ZNF629: variants seen among roughly 807,000 people sequenced by gnomAD.
The protein encoded by ZNF629 is DNA-binding protein.
ZNF629 carries 9 observed loss-of-function variants against 59.7 expected under a neutral mutation model. The ratio of observed to expected loss-of-function variants is 0.15; its 90% CI spans 0.09 to 0.26. ZNF629 has a LOEUF of 0.26. Ranked by LOEUF, ZNF629 falls within the 10% of genes least tolerant of loss-of-function variation. The pLI is 1.00. For missense variants in ZNF629, 853 were observed against 1,165.4 expected (o/e 0.73, Z 3.90); for synonymous variants, 509 against 498.9 (o/e 1.02, Z -0.27).
chr16:30,782,490 T>A lies in ZNF629; in HGVS notation c.1838A>T (p.Gln613Leu), dbSNP rs373609985. The change falls in exon 3 of 3, where the codon CAG becomes CTG. Residue 613 changes from glutamine to leucine, a missense_variant. Physicochemically the swap from Gln to Leu is moderately radical, Grantham distance 113. This residue lies in a region of ZNF629 where 420 missense variants were observed against 435.6 expected (regional missense o/e 0.96). Coordinates refer to ENST00000262525, the MANE Select transcript of ZNF629 (RefSeq NM_001080417.3). ...GAAAGGGAGCCTTGGGGATCGTAAC[T>A]GAGGAGGTTTGGGGGCTGCGTGTGC... ...LIAHAAPKPP[Q>L]LRSPRLPFRG... 7 of 1,566,782 alleles carry A rather than the reference T, an allele frequency of 4.5e-6. No individual in the cohort carries two copies. In the African/African-American group the frequency reaches 9.5e-5, roughly 21 times the overall value.
rs951960656 is a variant in ZNF629, at chr16:30,786,307, G to T, written c.-34+721C>A. ...CTGGGGGCTGCCTGATGTCCGGTCC[G>T]GGAAGGATGCCCTGCTGTGTTTGCT... is the stretch of plus-strand genomic sequence containing the variant. On this transcript the variant is annotated intron_variant, in intron 1 of 2. Transcript: ENST00000262525. The surrounding 1 kb of genome is among the most constrained non-coding windows in gnomAD (Gnocchi z 4.8). Among the ~76,000 whole-genome samples the T allele has an allele frequency of 2.0e-5, 3 of 152,178 alleles. No individual in the cohort carries two copies. The highest frequency in any genetic ancestry group is 6.5e-5 in the Admixed American group (1 of 15,284).
chr16:30,783,206 G>A lies in ZNF629; in HGVS notation c.1122C>T (p.Phe374=). 6.2e-7 allele frequency: 1 copy of A among 1,613,150 alleles called. No individual in the cohort carries two copies. Among genetic ancestry groups the A allele is most frequent in the South Asian group, 1.1e-5 (1 of 91,054 alleles). ...AGGTCTTGCCGCACACTGGGCACTT[G>A]AACGGGTCCTCGCGCAGGTGAGTCC... ...HQRTHLREDP[F]KCPVCGKTFT... The change falls in exon 3 of 3, where the codon TTC becomes TTT. Residue 374 remains phenylalanine, a synonymous_variant. Coordinates refer to ENST00000262525, the MANE Select transcript of ZNF629 (RefSeq NM_001080417.3).
Position 30,783,935 on chromosome 16 carries a change from G to T in ZNF629, c.393C>A (p.Asn131Lys). Residue 131 changes from asparagine (N) to lysine (K), a missense_variant, in exon 3 of 3, where the codon AAC becomes AAA. Asn to Lys is a moderately conservative substitution (Grantham distance 94). Coordinates refer to ENST00000262525, the MANE Select transcript of ZNF629 (RefSeq NM_001080417.3). Reference sequence around the variant, plus strand: ...GCACCAGCTCCCGCAGGCTGGGCTCGTTGGCGGGGACGACTGGGGGGCTGT... The same window carrying T: ...GCACCAGCTCCCGCAGGCTGGGCTCTTTGGCGGGGACGACTGGGGGGCTGT... Reference protein sequence around the residue: ...TWNSPPVVPANEPSLRELVQG... With the variant: ...TWNSPPVVPAKEPSLRELVQG... The T allele has an allele frequency of 6.3e-7, 1 of 1,592,072 alleles. No homozygotes were observed. Among genetic ancestry groups the T allele is most frequent in the Non-Finnish European group, 8.6e-7 (1 of 1,168,884 alleles).
At chr16:30,784,573 T>C in intron 1 of ZNF629, 58 bp from the exon 2 acceptor site, 1 of 1,361,124 alleles carries the variant, frequency 7.3e-7, no homozygotes, top group Non-Finnish European at 9.8e-7. Context: ...CTTTGCTTTA[T>C]TCCCCCTGAA....
rs751629711 is a variant in ZNF629, at chr16:30,784,155, G to A, written c.173C>T (p.Ser58Leu). ...GGATCTCTCCAGGGACATCTCTGTT[G>A]AGTCCTTGGATTCTGGACTCTGAGC... ...DPAQSPESKDSTEMSLERSSQ... is the reference protein window; with the variant it reads ...DPAQSPESKDLTEMSLERSSQ... The change falls in exon 3 of 3, where the codon TCA becomes TTA. Residue 58 changes from serine (S) to leucine (L), a missense_variant. Around this residue, in one of 3 missense-constraint regions of ZNF629, gnomAD observed 232 missense variants for 193.4 expected, o/e 1.20. Transcript: ENST00000262525. 3 of 1,609,752 alleles carry A rather than the reference G, an allele frequency of 1.9e-6. No individual in the cohort carries two copies. The highest frequency in any genetic ancestry group is 2.5e-6 in the Non-Finnish European group (3 of 1,178,962).
In ZNF629 at chr16:30,780,791, G is replaced by A. The variant is rs2054273593; in HGVS notation, c.*927C>T. On this transcript the variant is annotated 3_prime_UTR_variant, in exon 3 of 3. Transcript: ENST00000262525. ...GGAAGCAAGAAGGGGCCTGGAGTTA[G>A]CTGGGTTCCATGTGAGCAGTTTCCC... is the stretch of plus-strand genomic sequence containing the variant. The A allele has an allele frequency of 6.6e-6, 1 of 152,156 alleles. No individual in the cohort carries two copies. The highest frequency in any genetic ancestry group is 1.5e-5 in the Non-Finnish European group (1 of 68,038). 9.4% of individuals were successfully genotyped at this position (152,156 alleles called of 1,614,324 possible). A position where few individuals can be genotyped will look rare whatever the true frequency, so the allele number is the denominator to read the frequency against.
Position 30,783,274 on chromosome 16 carries a change from C to T in ZNF629, c.1054G>A (p.Gly352Ser). 2 of 1,614,070 alleles carry T rather than the reference C, an allele frequency of 1.2e-6. No individual in the cohort carries two copies. Among genetic ancestry groups the T allele is most frequent in the Non-Finnish European group, 1.7e-6 (2 of 1,180,002 alleles). Residue 352 changes from glycine (G) to serine (S), a missense_variant, in exon 3 of 3, where the codon GGC (glycine) becomes AGC (serine). Gly to Ser is a moderately conservative substitution (Grantham distance 56). Around this residue, in one of 3 missense-constraint regions of ZNF629, gnomAD observed 201 missense variants for 536.5 expected, o/e 0.37. Transcript: ENST00000262525. ...GEKPYECLECGKSFGHSSTLI... is the reference protein window; with the variant it reads ...GEKPYECLECSKSFGHSSTLI... ...GTGGAGCTGTGGCCGAAGCTCTTGC[C>T]GCACTCTAGGCACTCGTAGGGCTTC...
rs772627166 is a variant in ZNF629 at position 30,781,859 on chromosome 16, C to T, written c.2469G>A (p.Glu823=). 5.7e-6 allele frequency: 9 copies of T among 1,586,534 alleles called. No homozygotes were observed. In the South Asian group the frequency reaches 1.0e-4, roughly 18 times the overall value. ...EGEGETPTPT[E]SSSHGEGQNP... ...TTTGCCCTTCCCCATGGCTGCTGCT[C>T]TCTGTGGGGGTAGGGGTCTCGCCCT... is the stretch of plus-strand genomic sequence containing the variant. The change falls in exon 3 of 3, where the codon GAG becomes GAA. Residue 823 remains glutamate, a synonymous_variant. Transcript: ENST00000262525.
At position 30,782,058 on chromosome 16, in the gene ZNF629, T is replaced by C. The variant is rs2054286363; in HGVS notation, c.2270A>G (p.Glu757Gly). 6.4e-7 allele frequency: 1 copy of C among 1,574,606 alleles called. No individual in the cohort carries two copies. The highest frequency in any genetic ancestry group is 1.9e-5 in the Admixed American group (1 of 53,950). The change falls in exon 3 of 3, where the codon GAG becomes GGG. Residue 757 changes from glutamate to glycine, a missense_variant. Glu to Gly is a moderately conservative substitution (Grantham distance 98). Around this residue, in one of 3 missense-constraint regions of ZNF629, gnomAD observed 420 missense variants for 435.6 expected, o/e 0.96. Transcript: ENST00000262525. ...ELGKSSSVLLEHLRSPLGARP... is the reference protein window; with the variant it reads ...ELGKSSSVLLGHLRSPLGARP... The stretch of plus-strand genomic sequence containing the variant: ...GGCCCCCAGGGGGCTCCTGAGATGC[T>C]CCAGGAGGACGGAAGAGCTCTTCCC...
In ZNF629 at chr16:30,782,819, G is replaced by A. The variant is rs745708391; in HGVS notation, c.1509C>T (p.Thr503=). 1 of 1,614,078 alleles carries A rather than the reference G, an allele frequency of 6.2e-7. No individual in the cohort carries two copies. Among genetic ancestry groups the A allele is most frequent in the East Asian group, 2.2e-5 (1 of 44,874 alleles). Reference sequence around the variant, plus strand: ...TCTCGTCCATGTGCGTGCGGACGTGGGTAATAAGGTTGGAGCTCTGGCTGA... The same window carrying A: ...TCTCGTCCATGTGCGTGCGGACGTGAGTAATAAGGTTGGAGCTCTGGCTGA... The part of the protein sequence containing the change: ...KSFSQSSNLI[T]HVRTHMDENL... The change falls in exon 3 of 3, where the codon ACC becomes ACT. Residue 503 remains threonine (T), a synonymous_variant. Coordinates refer to ENST00000262525, the MANE Select transcript of ZNF629 (RefSeq NM_001080417.3).
At position 30,783,318 on chromosome 16, in the gene ZNF629, T is replaced by C. The variant is rs185858062; in HGVS notation, c.1010A>G (p.Gln337Arg). The change falls in exon 3 of 3, where the codon CAG becomes CGG. Residue 337 changes from glutamine to arginine, a missense_variant. By Grantham distance (43) the Gln-to-Arg change is conservative. Coordinates refer to ENST00000262525, the MANE Select transcript of ZNF629 (RefSeq NM_001080417.3). ...FIQSSELTQH[Q>R]RTHTGEKPYE... ...GGGCTTCTCGCCTGTGTGCGTGCGC[T>C]GGTGCTGGGTCAGCTCCGAGCTCTG... The C allele has an allele frequency of 1.9e-6, 3 of 1,614,014 alleles. No homozygotes were observed. The highest frequency in any genetic ancestry group is 2.2e-5 in the East Asian group (1 of 44,830).
chr16:30,785,201 C>T (rs1031471097), intron 1 of ZNF629, among the ~76,000 whole-genome samples: 1 of 152,138 alleles, frequency 6.6e-6, no homozygotes, highest in Non-Finnish European at 1.5e-5. Flanking sequence ...TGAACACCTG[C>T]GGCAGACCCA....
In ZNF629 at chr16:30,786,808, G is replaced by C. The variant is rs2054337351; in HGVS notation, c.-34+220C>G. Among the ~76,000 whole-genome samples the C allele has an allele frequency of 6.6e-6, 1 of 151,848 alleles. No homozygotes were observed. The highest frequency in any genetic ancestry group is 2.4e-5 in the African/African-American group (1 of 41,338). Reference sequence around the variant, plus strand: ...CGGCCCCGGCCGATCCCTCTTCCCAGAATCCCCAGGCTCCCCTCCCCCGCC... The same window carrying C: ...CGGCCCCGGCCGATCCCTCTTCCCACAATCCCCAGGCTCCCCTCCCCCGCC... On this transcript the variant is annotated intron_variant, in intron 1 of 2. Transcript: ENST00000262525. The surrounding 1 kb of genome is among the most constrained non-coding windows in gnomAD (Gnocchi z 4.8).
Position 30,781,832 on chromosome 16 carries a change from GT to G in ZNF629, c.2495del (p.Asn832ThrfsTer5). The G allele has an allele frequency of 1.2e-6, 2 of 1,602,566 alleles. No individual in the cohort carries two copies. The highest frequency in any genetic ancestry group is 1.1e-5 in the South Asian group (1 of 89,882). On this transcript the variant is annotated frameshift_variant, in exon 3 of 3. Coordinates refer to ENST00000262525, the MANE Select transcript of ZNF629 (RefSeq NM_001080417.3). LOFTEE classifies it high-confidence loss of function. Reference sequence around the variant, plus strand: ...GCTTTTCTTCCACTAGGGTTTTGGGGTTTTGCCCTTCCCCATGGCTGCTGCT... The same window carrying G: ...GCTTTTCTTCCACTAGGGTTTTGGGGTTTGCCCTTCCCCATGGCTGCTGCT... ...TESSSHGEGQ[N>X]PKTLVEEKPY...
At position 30,781,892 on chromosome 16, in the gene ZNF629, C is replaced by T; in HGVS notation, c.2436G>A (p.Gln812=). The T allele has an allele frequency of 6.4e-7, 1 of 1,553,634 alleles. No homozygotes were observed. The highest frequency in any genetic ancestry group is 1.2e-5 in the South Asian group (1 of 82,382). Residue 812 remains glutamine (Q), a synonymous_variant, in exon 3 of 3, where the codon CAG becomes CAA. Coordinates refer to ENST00000262525, the MANE Select transcript of ZNF629 (RefSeq NM_001080417.3). The part of the protein sequence containing the change: ...PPEAVTLSTD[Q]EGEGETPTPT... ...GGGTAGGGGTCTCGCCCTCACCTTC[C>T]TGATCTGTGGACAGGGTGACTGCCT...
At position 30,781,616 on chromosome 16, in the gene ZNF629, C is replaced by T; in HGVS notation, c.*102G>A. ...GGTTCTTTCTCCTCCACTCCACTACCATCTGATAGGGTTATCCTCCCTTCC... is the reference window on the plus strand; with the variant it reads ...GGTTCTTTCTCCTCCACTCCACTACTATCTGATAGGGTTATCCTCCCTTCC... On this transcript the variant is annotated 3_prime_UTR_variant, in exon 3 of 3. Coordinates refer to ENST00000262525, the MANE Select transcript of ZNF629 (RefSeq NM_001080417.3). 8.3e-7 allele frequency: 1 copy of T among 1,200,492 alleles called. No individual in the cohort carries two copies. The highest frequency in any genetic ancestry group is 1.8e-5 in the South Asian group (1 of 54,910). The allele number at this position is 1,200,492 out of a possible 1,614,324, so 74.4% of individuals were successfully genotyped here.
Position 30,781,793 on chromosome 16 carries a change from G to A in ZNF629, c.2535C>T (p.Pro845=), listed in dbSNP as rs201721937. Residue 845 remains proline (P), a synonymous_variant, in exon 3 of 3, where the codon CCC becomes CCT. Coordinates refer to ENST00000262525, the MANE Select transcript of ZNF629 (RefSeq NM_001080417.3). ...TLVEEKPYLC[P]ECGAGFTEVA... is the part of the protein sequence containing the mutation. ...CTTCTGTGAAGCCGGCTCCACACTC[G>A]GGGCACAGATAGGGCTTTTCTTCCA... 171 of 1,612,092 alleles carry A rather than the reference G, an allele frequency of 1.1e-4. No individual in the cohort carries two copies. In the African/African-American group the frequency reaches 2.0e-3, roughly 19 times the overall value.
At position 30,781,865 on chromosome 16, in the gene ZNF629, G is replaced by C; in HGVS notation, c.2463C>G (p.Pro821=). 6.3e-7 allele frequency: 1 copy of C among 1,577,272 alleles called. No individual in the cohort carries two copies. The highest frequency in any genetic ancestry group is 8.6e-7 in the Non-Finnish European group (1 of 1,159,054). Reference sequence around the variant, plus strand: ...CTTCCCCATGGCTGCTGCTCTCTGTGGGGGTAGGGGTCTCGCCCTCACCTT... The same window carrying C: ...CTTCCCCATGGCTGCTGCTCTCTGTCGGGGTAGGGGTCTCGCCCTCACCTT... ...DQEGEGETPT[P]TESSSHGEGQ... is the part of the protein sequence containing the mutation. The change falls in exon 3 of 3, where the codon CCC becomes CCG. Residue 821 remains proline, a synonymous_variant. Transcript: ENST00000262525.
In ZNF629 at chr16:30,781,912, C is replaced by A; in HGVS notation, c.2416G>T (p.Val806Phe). 3.2e-6 allele frequency: 5 copies of A among 1,538,964 alleles called. No homozygotes were observed. In the Admixed American group the frequency reaches 8.2e-5, roughly 25 times the overall value. The change falls in exon 3 of 3, where the codon GTC (valine) becomes TTC (phenylalanine). Residue 806 changes from valine to phenylalanine, a missense_variant. Physicochemically the swap from Val to Phe is conservative, Grantham distance 50 (BLOSUM62 -1). Coordinates refer to ENST00000262525, the MANE Select transcript of ZNF629 (RefSeq NM_001080417.3). ...CCTTCCTGATCTGTGGACAGGGTGA[C>A]TGCCTCTGGAGGGGGGTCCTCGGGA... The part of the protein sequence containing the change: ...PNPEDPPPEA[V>F]TLSTDQEGEG...
Sources: gnomAD v4.1 joint callset for allele counts (sites outside exome capture counted in the v4.1 genomes callset) on GRCh38, gnomAD v4.1.1 for gene constraint, gnomAD v4.1.1 regional missense constraint, Gnocchi (gnomAD v3.1) non-coding constraint, MANE v1.5 for transcripts, NCBI Gene and HGNC (gene_info 2026-07-23, HGNC 2026-07-21) for gene names.